The following SPOCK1 variants were observed in gnomAD, a reference collection of about 807,000 sequenced individuals.
The protein encoded by SPOCK1 is testican-1.
SPOCK1 carries 23 observed loss-of-function variants against 55.3 expected under a neutral mutation model. The observed-to-expected ratio is 0.42, with a 90% CI of 0.30 to 0.59. SPOCK1 has a LOEUF of 0.59. Among genes scored for constraint, SPOCK1 ranks in the 20% least tolerant of loss-of-function variants. SPOCK1 has a pLI of 0.22. For synonymous variants in SPOCK1, 226 were observed against 221.0 expected, an observed-to-expected ratio of 1.02 and a Z score of -0.20; for missense variants, 499 against 552.5, an observed-to-expected ratio of 0.90 and a Z score of 0.97.
intron 6 of SPOCK1, among the ~76,000 whole-genome samples, chr5:137,026,330 G>A (rs1751673739): frequency 6.6e-6 from 1 of 152,240 alleles, no homozygotes; most frequent in East Asian, 1.9e-4. Flanking sequence ...AGGTATTTTT[G>A]TAGATGAGAT....
At chr5:137,442,244 T>C (rs1753030038) in intron 2 of SPOCK1, among the ~76,000 whole-genome samples, 1 of 152,134 alleles carries the variant, frequency 6.6e-6, no homozygotes, top group Admixed American at 6.5e-5. Flanking sequence ...TGCTAGCCCT[T>C]ACGAGTCTTC....
chr5:137,467,852 A>G (rs1345709127), intron 2 of SPOCK1, among the ~76,000 whole-genome samples: 1 of 152,190 alleles, frequency 6.6e-6, no homozygotes, highest in African/African-American at 2.4e-5. Flanking sequence ...ACCAAATAGA[A>G]ACGTTTCTAA....
At chr5:137,142,734 G>C (rs568463718) in intron 3 of SPOCK1, among the ~76,000 whole-genome samples, 3 of 152,212 alleles carry the variant, frequency 2.0e-5, no homozygotes, top group African/African-American at 7.2e-5. Context: ...GTCTTCCAAG[G>C]CTGGGGCTTC....
chr5:137,452,119 T>C (rs1459422671), intron 2 of SPOCK1, among the ~76,000 whole-genome samples: 1 of 152,208 alleles, frequency 6.6e-6, no homozygotes, highest in Non-Finnish European at 1.5e-5. Context: ...ATTTGGGATG[T>C]TCAATCTGTA....
intron 2 of SPOCK1, among the ~76,000 whole-genome samples, chr5:137,324,116 A>G (rs1758031085): frequency 6.6e-6 from 1 of 152,234 alleles, no homozygotes; most frequent in Non-Finnish European, 1.5e-5. Context: ...GATGTGGTGT[A>G]CAAATACACA....
chr5:137,084,884 A>G (rs1219639720), intron 5 of SPOCK1, among the ~76,000 whole-genome samples: 2 of 147,276 alleles, frequency 1.4e-5, no homozygotes, highest in Non-Finnish European at 3.0e-5. Flanking sequence ...TTACACCCAT[A>G]TCCCTCTAAG....
At chr5:137,024,753 CT>C (rs1158078161) in intron 6 of SPOCK1, among the ~76,000 whole-genome samples, 2 of 152,154 alleles carry the variant, frequency 1.3e-5, no homozygotes, top group Non-Finnish European at 2.9e-5. Context: ...AGCAATTCCA[CT>C]TCTGGGTATT....
intron 2 of SPOCK1, among the ~76,000 whole-genome samples, chr5:137,352,519 T>C (rs1403698469): frequency 6.6e-6 from 1 of 152,192 alleles, no homozygotes. Flanking sequence ...CATATGACTG[T>C]CCTTCCCTGG....
chr5:137,463,883 G>A (rs1176827988), intron 2 of SPOCK1, among the ~76,000 whole-genome samples: 3 of 152,204 alleles, frequency 2.0e-5, no homozygotes, highest in East Asian at 3.8e-4. Flanking sequence ...GGGATGCAGA[G>A]GTTGGAGCAA....
chr5:137,378,646 C>T (rs149578442), intron 2 of SPOCK1, among the ~76,000 whole-genome samples: 109 of 152,354 alleles, frequency 7.2e-4, no homozygotes, highest in African/African-American at 2.6e-3. Context: ...AGCAAATCAG[C>T]TGGACAGAGT....
At chr5:137,128,297 T>C (rs1185805034) in intron 4 of SPOCK1, among the ~76,000 whole-genome samples, 1 of 152,228 alleles carries the variant, frequency 6.6e-6, no homozygotes, top group Admixed American at 6.5e-5. Flanking sequence ...GCCCAGTCTA[T>C]AGTATCGTCT....
intron 2 of SPOCK1, among the ~76,000 whole-genome samples, chr5:137,321,638 G>A (rs1757983963): frequency 6.6e-6 from 1 of 152,184 alleles, no homozygotes; most frequent in African/African-American, 2.4e-5. Context: ...CACTTTGGGA[G>A]GCCGAGGCAG....
At chr5:137,063,027 G>A (rs1332415444) in intron 6 of SPOCK1, among the ~76,000 whole-genome samples, 1 of 144,880 alleles carries the variant, frequency 6.9e-6, no homozygotes, top group Non-Finnish European at 1.5e-5. Context: ...GAGGTCAGGA[G>A]ATCGAGACCA....
rs1036327137 is a variant in SPOCK1 at position 136,990,174 on chromosome 5, T to G, written c.707-1531A>C. The stretch of plus-strand genomic sequence containing the variant: ...ATCCACCTGTCTTGGCCTCCCAAAG[T>G]ACTGGGATTACAAGCTTGAGCCACC... On this transcript the variant is annotated intron_variant, in intron 7 of 10. Transcript: ENST00000394945. 3.3e-5 allele frequency among the ~76,000 whole-genome samples: 5 copies of G among 152,110 alleles called. No individual in the cohort carries two copies. The East Asian group carries it at 9.7e-4, about 29-fold the overall frequency.
At chr5:137,422,760 C>T (rs978265165) in intron 2 of SPOCK1, among the ~76,000 whole-genome samples, 5 of 152,134 alleles carry the variant, frequency 3.3e-5, no homozygotes, top group Admixed American at 2.0e-4. Flanking sequence ...GTAGTTTGAT[C>T]GTCTGAAGCC....
At chr5:137,007,902 A>G (rs1032921525) in intron 6 of SPOCK1, among the ~76,000 whole-genome samples, 1 of 152,180 alleles carries the variant, frequency 6.6e-6, no homozygotes, top group Non-Finnish European at 1.5e-5. Flanking sequence ...ATGCCCATCA[A>G]TGATAGACTG....
At chr5:137,258,934 T>C (rs902296653) in intron 3 of SPOCK1, among the ~76,000 whole-genome samples, 1 of 152,208 alleles carries the variant, frequency 6.6e-6, no homozygotes, top group East Asian at 1.9e-4. Context: ...CTTTGTGAAG[T>C]CAGGGTGAAG....
chr5:137,306,932 G>A (rs996373672), intron 2 of SPOCK1, among the ~76,000 whole-genome samples: 25 of 152,172 alleles, frequency 1.6e-4, no homozygotes, highest in African/African-American at 5.6e-4. Context: ...CAATCTCTGA[G>A]TTTACTGCTC....
chr5:137,164,990 A>G (rs1430113925), intron 3 of SPOCK1, among the ~76,000 whole-genome samples: 3 of 152,166 alleles, frequency 2.0e-5, no homozygotes, highest in Non-Finnish European at 4.4e-5. Flanking sequence ...TCCTGGGGGA[A>G]CTCGCCACCC....
Sources: gnomAD v4.1 joint callset for allele counts (sites outside exome capture counted in the v4.1 genomes callset) on GRCh38, gnomAD v4.1.1 for gene constraint, MANE v1.5 for transcripts, NCBI Gene and HGNC (gene_info 2026-07-23, HGNC 2026-07-21) for gene names.